Variants in CRLS1 observed in about 807,000 individuals in gnomAD.
CRLS1 encodes cardiolipin synthase 1, also known as cardiolipin synthase (CMP-forming).
A neutral mutation model predicts 37.0 loss-of-function variants in CRLS1; 24 were observed. The ratio of observed to expected loss-of-function variants is 0.65; its 90% CI spans 0.47 to 0.91. CRLS1 has a LOEUF of 0.91. CRLS1 is among the 40% of genes least tolerant of loss of function. The pLI is 0.00. For missense variants in CRLS1, 373 were observed against 395.8 expected (o/e 0.94, Z 0.49); for synonymous variants, 135 against 159.7 (o/e 0.85, Z 1.17).
Position 6,017,880 on chromosome 20 carries a change from A to C in CRLS1, c.574+2390A>C, listed in dbSNP as rs192497535. On this transcript the variant is annotated intron_variant, in intron 3 of 6. Transcript: ENST00000378863. ...AACACTTTTGTTAGACTTATTCCTA[A>C]GTACATGATAGTTCTTGGTGCTTTT... Among the ~76,000 whole-genome samples, 97 of 152,310 alleles carry C rather than the reference A, an allele frequency of 6.4e-4. 1 individual carries two copies. The highest frequency in any genetic ancestry group is 2.3e-3 in the African/African-American group (94 of 41,570).
At chr20:6,009,357 A>G (rs1210793009) in intron 1 of CRLS1, among the ~76,000 whole-genome samples, 1 of 151,882 alleles carries the variant, frequency 6.6e-6, no homozygotes, top group Non-Finnish European at 1.5e-5. Context: ...AAGGAAACCT[A>G]TAATATGTAA....
chr20:6,032,219 G>T, intron 5 of CRLS1, 139 bp downstream of exon 5: 1 of 632,594 alleles, frequency 1.6e-6, no homozygotes, highest in Non-Finnish European at 2.7e-6. Context: ...GCGTTGGGCA[G>T]GCAGTTTTAA....
At chr20:6,036,625 A>C (rs1298128691) in intron 6 of CRLS1, among the ~76,000 whole-genome samples, 1 of 152,250 alleles carries the variant, frequency 6.6e-6, no homozygotes, top group East Asian at 1.9e-4. Context: ...AGTCAGGCTC[A>C]AACATAGTTC....
At chr20:6,019,578 A>G (rs1979059397) in intron 3 of CRLS1, among the ~76,000 whole-genome samples, 1 of 148,474 alleles carries the variant, frequency 6.7e-6, no homozygotes, top group Non-Finnish European at 1.5e-5. Context: ...TTTTGAAAGA[A>G]TCAGCTTTGG....
At chr20:6,022,571 C>A (rs1303569374) in intron 3 of CRLS1, among the ~76,000 whole-genome samples, 1 of 152,068 alleles carries the variant, frequency 6.6e-6, no homozygotes, top group Admixed American at 6.6e-5. Context: ...CTTTTGAGCT[C>A]AAGCAATCCA....
chr20:6,027,082 ATTTTT>A (rs11361547), intron 3 of CRLS1, among the ~76,000 whole-genome samples: 1 of 128,470 alleles, frequency 7.8e-6, no homozygotes, highest in Non-Finnish European at 1.6e-5. Context: ...TGGAAATTGA[ATTTTT>A]TTTTTTTTTT....
At position 6,015,338 on chromosome 20, in the gene CRLS1, TA is replaced by T. The variant is rs199865968; in HGVS notation, c.445-14del. 187 of 1,469,890 alleles carry T rather than the reference TA, an allele frequency of 1.3e-4. 1 individual carries two copies. The highest frequency in any genetic ancestry group is 1.2e-3 in the South Asian group (94 of 79,940). The allele number at this position is 1,469,890 out of a possible 1,614,324, so 91.1% of individuals were successfully genotyped here. On this transcript the variant is annotated intron_variant, in intron 2 of 6. Transcript: ENST00000378863. The stretch of plus-strand genomic sequence containing the variant: ...GTTCCTGTTATGACATTTATATATA[TA>T]AAAAAAAACTTCTATTTTCAGTTGG...
In CRLS1 at chr20:6,006,289, C is replaced by T. The variant is rs751166551; in HGVS notation, c.43C>T (p.Arg15Cys). The change falls in exon 1 of 7, where the codon CGC (arginine) becomes TGC (cysteine). Residue 15 changes from arginine to cysteine, a missense_variant. Arg to Cys is a radical substitution (Grantham distance 180). Transcript: ENST00000378863. ...GGCGCGCGGCTCGTGGGGGGCCCTG[C>T]GCGGCGCCGCTTGGGCTCCGGGAAC... ...RVARGSWGAL[R>C]GAAWAPGTRP... The T allele has an allele frequency of 5.5e-4, 710 of 1,292,528 alleles. 1 individual carries two copies. Among genetic ancestry groups the T allele is most frequent in the Non-Finnish European group, 6.8e-4 (694 of 1,023,282 alleles). The allele number at this position is 1,292,528 out of a possible 1,614,324, so 80.1% of individuals were successfully genotyped here.
At chr20:6,016,414 G>A (rs1378318347) in intron 3 of CRLS1, among the ~76,000 whole-genome samples, 1 of 151,734 alleles carries the variant, frequency 6.6e-6, no homozygotes, top group Non-Finnish European at 1.5e-5. Context: ...GTGCTTCTTT[G>A]AAAGTTAGAA....
intron 3 of CRLS1, among the ~76,000 whole-genome samples, chr20:6,018,408 C>A (rs1157754902): frequency 6.6e-6 from 1 of 151,972 alleles, no homozygotes; most frequent in Non-Finnish European, 1.5e-5. Context: ...CAACGTATTT[C>A]TTCTTTTCCA....
intron 3 of CRLS1, among the ~76,000 whole-genome samples, chr20:6,023,752 A>C (rs1185861380): frequency 2.0e-5 from 3 of 147,384 alleles, no homozygotes; most frequent in Non-Finnish European, 4.5e-5. Flanking sequence ...GTCTTCATTA[A>C]AAAAAAAAAG....
intron 2 of CRLS1, among the ~76,000 whole-genome samples, chr20:6,012,749 A>G (rs113774099): frequency 0.015 from 2,221 of 152,274 alleles, 62 homozygotes; most frequent in African/African-American, 0.05. Context: ...AGATGGTTGG[A>G]TCTGGGTAAA....
At chr20:6,013,314 G>A (rs536466566) in intron 2 of CRLS1, among the ~76,000 whole-genome samples, 2 of 150,122 alleles carry the variant, frequency 1.3e-5, no homozygotes, top group Admixed American at 1.3e-4. Flanking sequence ...AGCCTTCCAA[G>A]TAGCTGGGAC....
chr20:6,024,586 A>G (rs1403418556), intron 3 of CRLS1, among the ~76,000 whole-genome samples: 1 of 152,238 alleles, frequency 6.6e-6, no homozygotes, highest in Non-Finnish European at 1.5e-5. Context: ...ATGTGAAAGG[A>G]AGAAGTTACA....
intron 6 of CRLS1, among the ~76,000 whole-genome samples, chr20:6,035,441 A>G (rs1271583957): frequency 6.6e-6 from 1 of 152,142 alleles, no homozygotes; most frequent in Non-Finnish European, 1.5e-5. Context: ...AAGCAGTCTA[A>G]GAACTGTTTA....
At chr20:6,010,386 T>C (rs1382112914) in intron 2 of CRLS1, among the ~76,000 whole-genome samples, 2 of 152,348 alleles carry the variant, frequency 1.3e-5, no homozygotes, top group East Asian at 3.9e-4. Context: ...GTAGAAGTCA[T>C]AGCTTTGCTC....
intron 4 of CRLS1, 82 bp downstream of exon 4, chr20:6,031,452 A>G (rs1980164252): frequency 9.9e-7 from 1 of 1,006,230 alleles, no homozygotes; most frequent in East Asian, 2.5e-5. Flanking sequence ...TTGCGTCAAC[A>G]TCTTTTCAAT....
intron 5 of CRLS1, among the ~76,000 whole-genome samples, chr20:6,033,004 A>G (rs926186887): frequency 2.6e-5 from 4 of 152,136 alleles, no homozygotes; most frequent in African/African-American, 9.7e-5. Flanking sequence ...TTACATGGAA[A>G]GTGCTTAAAG....
intron 3 of CRLS1, among the ~76,000 whole-genome samples, chr20:6,026,469 G>A (rs1979720199): frequency 1.3e-5 from 2 of 152,136 alleles, no homozygotes; most frequent in Non-Finnish European, 2.9e-5. Flanking sequence ...TAGCTTTGTT[G>A]CGGTGGTCTG....
Sources: allele counts gnomAD v4.1 joint callset (sites outside exome capture counted in the v4.1 genomes callset), GRCh38; gene constraint gnomAD v4.1.1; transcripts MANE v1.5; gene names NCBI Gene and HGNC (gene_info 2026-07-23, HGNC 2026-07-21).